The following KLF12 variants were observed in gnomAD, a reference collection of about 807,000 sequenced individuals.
KLF12 encodes the protein Krueppel-like factor 12.
In KLF12, 9 loss-of-function variants were observed where a neutral mutation model predicts 37.8. The observed-to-expected ratio is 0.24, with a 90% CI of 0.14 to 0.42. The LOEUF (loss-of-function observed/expected upper bound fraction) is 0.42. KLF12 is among the 10% of genes least tolerant of loss of function. The pLI is 1.00. For missense variants in KLF12, 411 were observed against 516.0 expected (o/e 0.80, Z 1.97); for synonymous variants, 208 against 202.1 (o/e 1.03, Z -0.25).
chr13:74,299,216 G>C, the KLF12 span, among the ~76,000 whole-genome samples: 1 of 152,198 alleles, frequency 6.6e-6, no homozygotes, highest in African/African-American at 2.4e-5. Context: ...GCGGGGAGAA[G>C]TGGAGGTCTG....
At chr13:73,923,540 G>T (rs923807660) in intron 3 of KLF12, among the ~76,000 whole-genome samples, 2 of 152,038 alleles carry the variant, frequency 1.3e-5, no homozygotes, top group African/African-American at 2.4e-5. Context: ...CATCAGACAG[G>T]GCAGACATTC....
At chr13:73,952,440 A>G (rs1225627142) in intron 2 of KLF12, among the ~76,000 whole-genome samples, 1 of 152,200 alleles carries the variant, frequency 6.6e-6, no homozygotes, top group Non-Finnish European at 1.5e-5. Context: ...CTCACAAGAC[A>G]GCAGTAGGGC....
At chr13:74,225,463 C>G in the KLF12 span, among the ~76,000 whole-genome samples, 1 of 152,182 alleles carries the variant, frequency 6.6e-6, no homozygotes, top group Non-Finnish European at 1.5e-5. Context: ...TTTCCTACCT[C>G]TTCTCCAAGA....
chr13:73,959,790 T>C (rs1437933337), intron 2 of KLF12, among the ~76,000 whole-genome samples: 6 of 152,162 alleles, frequency 3.9e-5, no homozygotes, highest in African/African-American at 1.4e-4. Context: ...AAAACAAAGA[T>C]ATTGCTTCTA....
At chr13:74,011,149 ATACT>A (rs200093135) in intron 1 of KLF12, among the ~76,000 whole-genome samples, 4,052 of 151,876 alleles carry the variant, frequency 0.027, 81 homozygotes, top group Non-Finnish European at 0.041. Context: ...GAATCAACAA[ATACT>A]TAAACTCCTT....
At chr13:74,158,384 G>A in the KLF12 span, among the ~76,000 whole-genome samples, 1 of 152,214 alleles carries the variant, frequency 6.6e-6, no homozygotes, top group African/African-American at 2.4e-5. Flanking sequence ...AAGCCAGAGT[G>A]ACCTGCCGGT....
chr13:74,207,583 G>A, the KLF12 span, among the ~76,000 whole-genome samples: 3 of 152,166 alleles, frequency 2.0e-5, no homozygotes, highest in Admixed American at 2.0e-4. Context: ...GGCTAAGGCA[G>A]AGAATTGCTT....
At chr13:74,155,720 G>T in the KLF12 span, among the ~76,000 whole-genome samples, 5 of 152,296 alleles carry the variant, frequency 3.3e-5, no homozygotes, top group South Asian at 1.0e-3. Flanking sequence ...AGATAACTTA[G>T]TTCCTTATAG....
At chr13:74,061,403 C>A (rs1873581909) in intron 1 of KLF12, among the ~76,000 whole-genome samples, 1 of 152,138 alleles carries the variant, frequency 6.6e-6, no homozygotes, top group Non-Finnish European at 1.5e-5. Flanking sequence ...CAGATGAAAT[C>A]AAGGTCCAGA....
At chr13:74,183,242 C>T in the KLF12 span, among the ~76,000 whole-genome samples, 406 of 152,180 alleles carry the variant, frequency 2.7e-3, 1 homozygote, top group African/African-American at 9.4e-3. Context: ...TTGTACTCTA[C>T]AAGAGGAACC....
At chr13:74,019,527 T>A (rs139275486) in intron 1 of KLF12, among the ~76,000 whole-genome samples, 1 of 152,144 alleles carries the variant, frequency 6.6e-6, no homozygotes, top group African/African-American at 2.4e-5. Flanking sequence ...TCATAATAGG[T>A]CTTTTTAACT....
intron 2 of KLF12, among the ~76,000 whole-genome samples, chr13:73,956,758 A>G (rs1890846585): frequency 6.7e-6 from 1 of 150,212 alleles, no homozygotes. Context: ...CCATCTCTAC[A>G]AAAAATAACA....
the KLF12 span, among the ~76,000 whole-genome samples, chr13:74,177,921 C>T: frequency 1.3e-5 from 2 of 152,168 alleles, no homozygotes; most frequent in Non-Finnish European, 2.9e-5. Flanking sequence ...TAATACATTA[C>T]AGTAATAAAT....
At chr13:74,095,733 T>C (rs1009881840) in intron 1 of KLF12, among the ~76,000 whole-genome samples, 3 of 152,244 alleles carry the variant, frequency 2.0e-5, no homozygotes, top group Admixed American at 6.5e-5. Flanking sequence ...TGGCATTACA[T>C]ATTTCAATTC....
intron 6 of KLF12, among the ~76,000 whole-genome samples, chr13:73,737,920 C>T (rs555384169): frequency 6.6e-6 from 1 of 151,626 alleles, no homozygotes; most frequent in Non-Finnish European, 1.5e-5. Context: ...TGTAAACCAA[C>T]AACATCAAAA....
At chr13:74,142,671 TG>T in the KLF12 span, among the ~76,000 whole-genome samples, 3 of 152,148 alleles carry the variant, frequency 2.0e-5, no homozygotes, top group African/African-American at 7.2e-5. Context: ...GGTGAAAGAA[TG>T]AAAGTAACTT....
At chr13:74,036,905 C>T (rs1403653078) in intron 1 of KLF12, among the ~76,000 whole-genome samples, 3 of 152,096 alleles carry the variant, frequency 2.0e-5, no homozygotes, top group East Asian at 1.9e-4. Flanking sequence ...GTCACATAAG[C>T]GTAAAAGATT....
At chr13:74,019,448 T>C (rs1022441528) in intron 1 of KLF12, among the ~76,000 whole-genome samples, 2 of 152,232 alleles carry the variant, frequency 1.3e-5, no homozygotes, top group Admixed American at 1.3e-4. Context: ...TATAGAATTA[T>C]CACAGAGAAA....
At chr13:73,893,435 G>A (rs1309859698) in intron 3 of KLF12, among the ~76,000 whole-genome samples, 1 of 137,538 alleles carries the variant, frequency 7.3e-6, no homozygotes, top group Admixed American at 7.8e-5. Context: ...AGGCTAGAGT[G>A]CAGTGGCGCG....
Sources: gnomAD v4.1 joint callset for allele counts (sites outside exome capture counted in the v4.1 genomes callset) on GRCh38, gnomAD v4.1.1 for gene constraint, MANE v1.5 for transcripts, NCBI Gene and HGNC (gene_info 2026-07-23, HGNC 2026-07-21) for gene names.